DACH2: variants seen among roughly 807,000 people sequenced by gnomAD.
DACH2 encodes dachshund homolog 2.
Under a neutral mutation model 35.8 loss-of-function variants are expected in DACH2, and 17 were observed. The observed-to-expected ratio is 0.48, with a 90% confidence interval of 0.33 to 0.71. DACH2 has a LOEUF of 0.71. Among genes scored for constraint, DACH2 ranks in the 30% least tolerant of loss-of-function variants. DACH2 has a pLI of 0.02. For synonymous variants in DACH2, 195 were observed against 177.3 expected (o/e 1.10, Z -0.79); for missense variants, 469 against 472.7 (o/e 0.99, Z 0.07).
rs139741050 is a variant in DACH2, at chrX:86,671,383, T to C, written c.772+20216T>C. ...TAGAGGCTGGTATGGTTTGTATTTGTGTCCCTGTCTGAATCTCATGTTGGA... is the reference window on the plus strand; with the variant it reads ...TAGAGGCTGGTATGGTTTGTATTTGCGTCCCTGTCTGAATCTCATGTTGGA... On this transcript the variant is annotated intron_variant, in intron 4 of 11. Coordinates refer to ENST00000373125, the MANE Select transcript of DACH2 (RefSeq NM_053281.3). 5.1e-3 allele frequency among the ~76,000 whole-genome samples: 573 copies of C among 112,267 alleles called. 3 individuals carry two copies. Among genetic ancestry groups the C allele is most frequent in the African/African-American group, 0.017 (534 of 30,930 alleles).
chrX:86,663,097 G>A (rs1247246896), intron 4 of DACH2, among the ~76,000 whole-genome samples: 3 of 111,199 alleles, frequency 2.7e-5, no homozygotes, highest in South Asian at 3.8e-4. Flanking sequence ...AATAAGACAA[G>A]AATATAGTTG....
At chrX:86,475,172 G>C (rs911628806) in intron 2 of DACH2, among the ~76,000 whole-genome samples, 1 of 111,344 alleles carries the variant, frequency 9.0e-6, no homozygotes, top group African/African-American at 3.3e-5. Flanking sequence ...GTCTTTTGTG[G>C]TACCATATAA....
At chrX:86,156,866 T>A (rs2030563807) in intron 1 of DACH2, among the ~76,000 whole-genome samples, 1 of 111,318 alleles carries the variant, frequency 9.0e-6, no homozygotes, top group African/African-American at 3.3e-5. Flanking sequence ...TACAAATACA[T>A]GTTAAAAAGA....
chrX:86,618,529 G>A (rs1470383793), intron 3 of DACH2, among the ~76,000 whole-genome samples: 1 of 111,605 alleles, frequency 9.0e-6, no homozygotes, highest in Non-Finnish European at 1.9e-5. Context: ...AGCCTAGAGT[G>A]TACTACTTTG....
intron 3 of DACH2, among the ~76,000 whole-genome samples, chrX:86,614,663 A>G (rs1050783724): frequency 9.0e-6 from 1 of 111,360 alleles, no homozygotes; most frequent in East Asian, 2.8e-4. Flanking sequence ...GGCCACTGCT[A>G]TTTATGTAAC....
intron 1 of DACH2, among the ~76,000 whole-genome samples, chrX:86,293,000 T>C (rs1230058844): frequency 1.0e-5 from 1 of 100,479 alleles, no homozygotes; most frequent in Non-Finnish European, 2.0e-5. Flanking sequence ...TCTGTCTCGT[T>C]GATCTGTCTA....
chrX:86,633,386 C>T (rs1200044673), intron 3 of DACH2, among the ~76,000 whole-genome samples: 1 of 110,834 alleles, frequency 9.0e-6, no homozygotes, highest in East Asian at 2.8e-4. Flanking sequence ...TATACAACCT[C>T]CAAATATTGA....
chrX:86,803,395 A>C (rs1472740767), intron 7 of DACH2, among the ~76,000 whole-genome samples: 1 of 112,007 alleles, frequency 8.9e-6, no homozygotes, highest in African/African-American at 3.3e-5. Context: ...GTTTGTCACA[A>C]TATTTGTAGA....
At chrX:86,787,535 T>C (rs769397980) in intron 7 of DACH2, among the ~76,000 whole-genome samples, 14 of 109,124 alleles carry the variant, frequency 1.3e-4, no homozygotes, top group Non-Finnish European at 2.1e-4. Flanking sequence ...AAAGAGTCTC[T>C]TGAACCCAGG....
intron 2 of DACH2, among the ~76,000 whole-genome samples, chrX:86,419,965 C>A (rs577401159): frequency 1.8e-5 from 2 of 111,760 alleles, no homozygotes; most frequent in South Asian, 7.4e-4. Flanking sequence ...ACTCTGTGAG[C>A]TCAGTATGCT....
At chrX:86,697,639 G>A (rs889618696) in intron 5 of DACH2, among the ~76,000 whole-genome samples, 2 of 109,703 alleles carry the variant, frequency 1.8e-5, no homozygotes, top group Non-Finnish European at 3.8e-5. Flanking sequence ...TGAAGAACAC[G>A]TGAGATAGCT....
intron 1 of DACH2, among the ~76,000 whole-genome samples, chrX:86,291,199 G>A (rs187578406): frequency 2.0e-3 from 222 of 109,403 alleles, no homozygotes; most frequent in Middle Eastern, 9.3e-3. Flanking sequence ...GTGAATGAGA[G>A]TTCACTCATG....
At chrX:86,726,809 C>T (rs913502216) in intron 6 of DACH2, among the ~76,000 whole-genome samples, 1 of 111,783 alleles carries the variant, frequency 8.9e-6, no homozygotes, top group South Asian at 3.7e-4. Flanking sequence ...GGAGCTTCTC[C>T]GTTACTTTTT....
intron 4 of DACH2, among the ~76,000 whole-genome samples, chrX:86,668,499 A>G (rs1208693717): frequency 8.9e-6 from 1 of 112,081 alleles, no homozygotes; most frequent in African/African-American, 3.2e-5. Context: ...TTTTTCCCCT[A>G]TCTTCTTACA....
chrX:86,276,630 C>T (rs2033921414), intron 1 of DACH2, among the ~76,000 whole-genome samples: 1 of 111,373 alleles, frequency 9.0e-6, no homozygotes. Context: ...GGAGATTTTC[C>T]CCAATGTTTT....
At chrX:86,562,814 T>C (rs2039241756) in intron 3 of DACH2, among the ~76,000 whole-genome samples, 1 of 111,806 alleles carries the variant, frequency 8.9e-6, no homozygotes, top group Non-Finnish European at 1.9e-5. Flanking sequence ...GACTACATGA[T>C]ATGTTGATAC....
intron 3 of DACH2, among the ~76,000 whole-genome samples, chrX:86,516,630 T>C (rs1462200336): frequency 9.0e-6 from 1 of 110,558 alleles, no homozygotes; most frequent in East Asian, 2.8e-4. Flanking sequence ...TTAATTAATT[T>C]ATTTTTGTTT....
At chrX:86,312,825 A>G (rs1466241580) in intron 1 of DACH2, among the ~76,000 whole-genome samples, 1 of 111,475 alleles carries the variant, frequency 9.0e-6, no homozygotes, top group African/African-American at 3.3e-5. Flanking sequence ...TTAATACTCA[A>G]TAAACTCTCC....
chrX:86,315,305 G>A (rs986981044), intron 1 of DACH2, among the ~76,000 whole-genome samples: 2 of 112,040 alleles, frequency 1.8e-5, no homozygotes, highest in African/African-American at 6.5e-5. Flanking sequence ...GAAACCTACT[G>A]TTCAGAAAAA....
Sources: allele counts gnomAD v4.1 joint callset (sites outside exome capture counted in the v4.1 genomes callset), GRCh38; gene constraint gnomAD v4.1.1; transcripts MANE v1.5; gene names NCBI Gene and HGNC (gene_info 2026-07-23, HGNC 2026-07-21).